SYNPR: variants seen among roughly 807,000 people sequenced by gnomAD.
The protein encoded by SYNPR is synaptoporin.
Under a neutral mutation model 32.9 loss-of-function variants are expected in SYNPR, and 23 were observed. The ratio of observed to expected loss-of-function variants is 0.70; its 90% CI spans 0.50 to 0.99. The LOEUF is 0.99. Among genes scored for constraint, SYNPR ranks in the 50% least tolerant of loss-of-function variants. The pLI is 0.00. For missense variants in SYNPR, 318 were observed against 349.3 expected (o/e 0.91, Z 0.71); for synonymous variants, 146 against 135.9 (o/e 1.07, Z -0.52).
intron 4 of SYNPR, among the ~76,000 whole-genome samples, chr3:63,603,408 T>A (rs181439742): frequency 6.6e-6 from 1 of 152,046 alleles, no homozygotes; most frequent in Non-Finnish European, 1.5e-5. Flanking sequence ...GAGAGGGCAT[T>A]CCTGTCTTGT....
chr3:63,614,042 ACCCACAG>A (rs1423391700), intron 5 of SYNPR, among the ~76,000 whole-genome samples: 1 of 120,030 alleles, frequency 8.3e-6, no homozygotes, highest in Non-Finnish European at 1.9e-5. Flanking sequence ...TGCCACCACT[ACCCACAG>A]GCCACTGTGG....
intron 4 of SYNPR, among the ~76,000 whole-genome samples, chr3:63,584,851 T>C (rs2106867252): frequency 1.3e-5 from 2 of 152,198 alleles, no homozygotes; most frequent in South Asian, 4.1e-4. Flanking sequence ...GGTTTCCTCA[T>C]AGGCTAAGAC....
At chr3:63,265,944 T>C (rs1389661495) in intron 2 of SYNPR, among the ~76,000 whole-genome samples, 1 of 152,252 alleles carries the variant, frequency 6.6e-6, no homozygotes, top group East Asian at 1.9e-4. Context: ...TATTTAATAT[T>C]GCGTTTTACC....
In SYNPR at chr3:63,556,660, C is replaced by T. The variant is rs1466517578; in HGVS notation, c.327C>T (p.Ala109=). The part of the protein sequence containing the change: ...AEFFVTVAVF[A]FLYSLAATVV... The stretch of plus-strand genomic sequence containing the variant: ...TCTTCGTCACTGTTGCTGTCTTCGC[C>T]TTCCTCTACTCTTTGGCTGCCACTG... Residue 109 remains alanine (A), a synonymous_variant, in exon 4 of 6, where the codon GCC becomes GCT. Coordinates refer to ENST00000478300, the MANE Select transcript of SYNPR (RefSeq NM_001130003.2). The T allele has an allele frequency of 1.2e-6, 2 of 1,613,840 alleles. No individual in the cohort carries two copies. The highest frequency in any genetic ancestry group is 1.7e-4 in the Middle Eastern group (1 of 6,060).
intron 2 of SYNPR, among the ~76,000 whole-genome samples, chr3:63,376,391 T>G (rs1220846453): frequency 6.6e-6 from 1 of 152,216 alleles, no homozygotes; most frequent in Admixed American, 6.5e-5. Flanking sequence ...TTCCTCGTAC[T>G]TAGGATAAAA....
chr3:63,267,120 A>G (rs2086497067), intron 2 of SYNPR, among the ~76,000 whole-genome samples: 1 of 152,210 alleles, frequency 6.6e-6, no homozygotes, highest in South Asian at 2.1e-4. Flanking sequence ...AATGGAGCTC[A>G]ATGTGTGTCC....
intron 2 of SYNPR, among the ~76,000 whole-genome samples, chr3:63,350,204 ATAT>A (rs1374454316): frequency 7.1e-6 from 1 of 140,404 alleles, no homozygotes; most frequent in African/African-American, 2.7e-5. Flanking sequence ...GTAGAGGTTA[ATAT>A]TATTCTACAC....
rs930502050 is a variant in SYNPR, at chr3:63,537,926, G to A, written c.210-18617G>A. The stretch of plus-strand genomic sequence containing the variant: ...TTACAGGATCCTAAAACTTTTCTTT[G>A]GGACATCTACCCCTGGTTGTCAATA... On this transcript the variant is annotated intron_variant, in intron 3 of 5. Coordinates refer to ENST00000478300, the MANE Select transcript of SYNPR (RefSeq NM_001130003.2). Among the ~76,000 whole-genome samples, 11 of 151,910 alleles carry A rather than the reference G, an allele frequency of 7.2e-5. No homozygotes were observed. The East Asian group carries it at 1.9e-3, about 27-fold the overall frequency.
At chr3:63,478,314 G>A (rs929545192) in intron 2 of SYNPR, among the ~76,000 whole-genome samples, 94 of 152,274 alleles carry the variant, frequency 6.2e-4, no homozygotes, top group African/African-American at 2.2e-3. Context: ...TAGCTGTTGA[G>A]CACTGAAATG....
At chr3:63,348,516 A>G (rs528919168) in intron 2 of SYNPR, among the ~76,000 whole-genome samples, 21 of 152,200 alleles carry the variant, frequency 1.4e-4, no homozygotes, top group African/African-American at 4.8e-4. Context: ...TTTTGCTGTG[A>G]AGCAGCTTTT....
intron 1 of SYNPR, among the ~76,000 whole-genome samples, chr3:63,246,842 T>G (rs757750471): frequency 1.7e-4 from 26 of 151,754 alleles, no homozygotes; most frequent in Non-Finnish European, 3.7e-4. Context: ...AATTTACAAA[T>G]GATTTGTAAT....
chr3:63,342,655 T>G (rs2087385074), intron 2 of SYNPR, among the ~76,000 whole-genome samples: 1 of 152,246 alleles, frequency 6.6e-6, no homozygotes, highest in Non-Finnish European at 1.5e-5. Flanking sequence ...TGTTCCCTCC[T>G]CTGCTATTTT....
intron 2 of SYNPR, among the ~76,000 whole-genome samples, chr3:63,478,365 C>T (rs1039202356): frequency 5.3e-5 from 8 of 152,144 alleles, no homozygotes; most frequent in Non-Finnish European, 4.4e-5. Context: ...CAATTTGTTA[C>T]ATTTTAACGT....
chr3:63,271,031 C>T lies in SYNPR; in HGVS notation n.287+3582C>T, dbSNP rs139344883. Among the ~76,000 whole-genome samples the T allele has an allele frequency of 3.8e-3, 379 of 98,610 alleles. 6 individuals are homozygous for T. The highest frequency in any genetic ancestry group is 0.013 in the African/African-American group (368 of 29,094). 64.7% of individuals were successfully genotyped at this position (98,610 alleles called of 152,430 possible). ...TCCTTCCTTCCTTCCTTCTTTCCTT[C>T]CTTCCTTCTTTTCTTCCTTCCTTTC... On this transcript the variant is annotated intron_variant and non_coding_transcript_variant, in intron 3 of 4. Transcript: ENST00000478456.
chr3:63,534,537 T>C (rs966649940), intron 3 of SYNPR, among the ~76,000 whole-genome samples: 4 of 152,222 alleles, frequency 2.6e-5, no homozygotes, highest in African/African-American at 9.6e-5. Context: ...GATACTCTGC[T>C]AAGATCTTTA....
At chr3:63,486,987 G>T (rs1471194522) in intron 3 of SYNPR, among the ~76,000 whole-genome samples, 1 of 152,128 alleles carries the variant, frequency 6.6e-6, no homozygotes, top group Non-Finnish European at 1.5e-5. Context: ...GTTAGACATA[G>T]TTTGTATTTT....
At chr3:63,498,262 T>A (rs1432304620) in intron 3 of SYNPR, among the ~76,000 whole-genome samples, 3 of 151,982 alleles carry the variant, frequency 2.0e-5, no homozygotes, top group Non-Finnish European at 4.4e-5. Flanking sequence ...AATTTATAAA[T>A]GGTTCCTGGC....
At chr3:63,211,100 A>G in the SYNPR span, among the ~76,000 whole-genome samples, 118,687 of 152,002 alleles carry the variant, frequency 0.78, 46,831 homozygotes, top group Middle Eastern at 0.87. Context: ...ATGGAGTCTC[A>G]CTTTGTCACC....
intron 2 of SYNPR, among the ~76,000 whole-genome samples, chr3:63,390,303 C>T (rs17068439): frequency 0.11 from 16,370 of 152,110 alleles, 1,325 homozygotes; most frequent in East Asian, 0.43. Context: ...TAAATGGTAC[C>T]CAGGTGGCTG....
Sources: gnomAD v4.1 joint callset for allele counts (sites outside exome capture counted in the v4.1 genomes callset) on GRCh38, gnomAD v4.1.1 for gene constraint, MANE v1.5 for transcripts, NCBI Gene and HGNC (gene_info 2026-07-23, HGNC 2026-07-21) for gene names.